The following LHFPL3 variants were observed in gnomAD, a reference collection of about 807,000 sequenced individuals.
LHFPL3 encodes LHFPL tetraspan subfamily member 3, also known as LHFPL tetraspan subfamily member 3 protein.
A neutral mutation model predicts 19.3 loss-of-function variants in LHFPL3; 5 were observed. The ratio of observed to expected loss-of-function variants is 0.26; its 90% CI spans 0.14 to 0.54. The LOEUF (loss-of-function observed/expected upper bound fraction) is 0.54. Among genes scored for constraint, LHFPL3 ranks in the 20% least tolerant of loss-of-function variants. LHFPL3 has a pLI of 0.94. For synonymous variants in LHFPL3, 133 were observed against 126.2 expected (o/e 1.05, Z -0.36); for missense variants, 249 against 307.4 (o/e 0.81, Z 1.42).
intron 1 of LHFPL3, among the ~76,000 whole-genome samples, chr7:104,606,177 A>G (rs16869996): frequency 0.059 from 8,991 of 152,268 alleles, 358 homozygotes; most frequent in Non-Finnish European, 0.09. Context: ...ACGTGTTTAG[A>G]TGGCAGAACT....
chr7:104,400,931 T>C (rs142247204), intron 1 of LHFPL3, among the ~76,000 whole-genome samples: 37 of 152,370 alleles, frequency 2.4e-4, no homozygotes, highest in African/African-American at 8.7e-4. Flanking sequence ...AATGTGTGCC[T>C]CATTACATTG....
At chr7:104,558,083 G>T (rs1478893719) in intron 1 of LHFPL3, among the ~76,000 whole-genome samples, 1 of 149,922 alleles carries the variant, frequency 6.7e-6, no homozygotes, top group South Asian at 2.1e-4. Flanking sequence ...TATCACTGTT[G>T]GACATTTGGG....
At chr7:104,415,823 G>A (rs771754628) in intron 1 of LHFPL3, among the ~76,000 whole-genome samples, 1 of 152,162 alleles carries the variant, frequency 6.6e-6, no homozygotes, top group South Asian at 2.1e-4. Context: ...AGAATGTTCG[G>A]AAGGGCTATA....
intron 1 of LHFPL3, among the ~76,000 whole-genome samples, chr7:104,571,912 C>G (rs550632232): frequency 6.6e-6 from 1 of 152,178 alleles, no homozygotes; most frequent in Non-Finnish European, 1.5e-5. Context: ...TGTAAACACA[C>G]ACACACTTTT....
At chr7:104,429,033 T>C (rs1791899955) in intron 1 of LHFPL3, among the ~76,000 whole-genome samples, 1 of 152,156 alleles carries the variant, frequency 6.6e-6, no homozygotes, top group Admixed American at 6.5e-5. Context: ...AGCAATCCTC[T>C]GAGAATCTGA....
intron 1 of LHFPL3, among the ~76,000 whole-genome samples, chr7:104,386,291 C>T (rs1790941307): frequency 6.6e-6 from 1 of 152,176 alleles, no homozygotes; most frequent in Non-Finnish European, 1.5e-5. Context: ...AGGGAATTGT[C>T]ATTATCTGAC....
At chr7:104,767,409 C>T (rs1447947150) in intron 2 of LHFPL3, among the ~76,000 whole-genome samples, 1 of 152,140 alleles carries the variant, frequency 6.6e-6, no homozygotes, top group Non-Finnish European at 1.5e-5. Context: ...CAGGGAACAG[C>T]CAGAGGAATC....
intron 1 of LHFPL3, among the ~76,000 whole-genome samples, chr7:104,352,557 A>T (rs1434780275): frequency 6.6e-6 from 1 of 152,110 alleles, no homozygotes; most frequent in African/African-American, 2.4e-5. Context: ...TGTACAATGC[A>T]TGTCCCCTTT....
In LHFPL3 at chr7:104,888,101, A is replaced by ATACATG. The variant is rs553104876; in HGVS notation, c.683-18081_683-18076dup. ...CTCTTTCCAAAATCAAGAACCTCAC[A>ATACATG]TACATGTACACATACATACATGCTC... On this transcript the variant is annotated intron_variant, in intron 2 of 2. Coordinates refer to ENST00000424859, the MANE Select transcript of LHFPL3 (RefSeq NM_199000.3). 1.2e-3 allele frequency among the ~76,000 whole-genome samples: 182 copies of ATACATG among 152,366 alleles called. 1 individual carries two copies. The highest frequency in any genetic ancestry group is 3.4e-3 in the Middle Eastern group (1 of 294).
chr7:104,735,381 A>T (rs1348029944), intron 1 of LHFPL3, among the ~76,000 whole-genome samples: 1 of 152,220 alleles, frequency 6.6e-6, no homozygotes, highest in South Asian at 2.1e-4. Flanking sequence ...CGAGCTTCCC[A>T]GCCGCTTTGT....
At chr7:104,510,445 G>A (rs1793787480) in intron 1 of LHFPL3, among the ~76,000 whole-genome samples, 1 of 152,090 alleles carries the variant, frequency 6.6e-6, no homozygotes, top group African/African-American at 2.4e-5. Flanking sequence ...TATTTTAACG[G>A]ATGGGCTTTT....
intron 2 of LHFPL3, among the ~76,000 whole-genome samples, chr7:104,753,418 G>A (rs1794215535): frequency 6.6e-6 from 1 of 152,120 alleles, no homozygotes; most frequent in South Asian, 2.1e-4. Context: ...GGAAATAATA[G>A]AAATGTAAAC....
At chr7:104,821,227 G>A (rs925850654) in intron 2 of LHFPL3, among the ~76,000 whole-genome samples, 19 of 152,176 alleles carry the variant, frequency 1.2e-4, no homozygotes, top group Admixed American at 2.6e-4. Context: ...TATGAGTGGC[G>A]AGGACATGGG....
At chr7:104,684,727 C>A (rs1792773537) in intron 1 of LHFPL3, among the ~76,000 whole-genome samples, 1 of 152,172 alleles carries the variant, frequency 6.6e-6, no homozygotes, top group Non-Finnish European at 1.5e-5. Flanking sequence ...GGAGCCCAGG[C>A]CCCCACGGCT....
chr7:104,732,250 G>A (rs1428075068), intron 1 of LHFPL3, among the ~76,000 whole-genome samples: 1 of 152,168 alleles, frequency 6.6e-6, no homozygotes, highest in Non-Finnish European at 1.5e-5. Flanking sequence ...AAATGAGTTA[G>A]GGAGGATTCC....
intron 1 of LHFPL3, among the ~76,000 whole-genome samples, chr7:104,727,114 G>A (rs1793606521): frequency 6.6e-6 from 1 of 152,116 alleles, no homozygotes; most frequent in African/African-American, 2.4e-5. Flanking sequence ...TTTGTTAGCT[G>A]CATAAATATC....
At chr7:104,580,337 G>C (rs770328382) in intron 1 of LHFPL3, among the ~76,000 whole-genome samples, 2 of 151,962 alleles carry the variant, frequency 1.3e-5, no homozygotes, top group Non-Finnish European at 2.9e-5. Flanking sequence ...ATTTTATTAT[G>C]AAAATTTTCA....
chr7:104,571,341 T>G (rs372683079), intron 1 of LHFPL3, among the ~76,000 whole-genome samples: 2,212 of 150,530 alleles, frequency 0.015, 48 homozygotes, highest in African/African-American at 0.051. Context: ...CAGTCTTCAG[T>G]TTTTTTTTCC....
At chr7:104,598,815 T>C (rs1790912144) in intron 1 of LHFPL3, among the ~76,000 whole-genome samples, 1 of 152,196 alleles carries the variant, frequency 6.6e-6, no homozygotes, top group South Asian at 2.1e-4. Context: ...TCTTCTGGTT[T>C]TCGAATCTTA....
Sources: allele counts gnomAD v4.1 joint callset (sites outside exome capture counted in the v4.1 genomes callset), GRCh38; gene constraint gnomAD v4.1.1; transcripts MANE v1.5; gene names NCBI Gene and HGNC (gene_info 2026-07-23, HGNC 2026-07-21).